Variants in PCDH11X observed in about 807,000 individuals in gnomAD.
PCDH11X encodes protocadherin 11 X-linked.
Under a neutral mutation model 53.3 loss-of-function variants are expected in PCDH11X, and 18 were observed. The observed-to-expected ratio is 0.34, with a 90% CI of 0.23 to 0.50. The LOEUF is 0.50. PCDH11X is among the 20% of genes least tolerant of loss of function. PCDH11X has a pLI of 0.98. For missense variants in PCDH11X, 570 were observed against 1,032.4 expected (o/e 0.55, Z 6.14); for synonymous variants, 279 against 393.3 (o/e 0.71, Z 3.44).
intron 6 of PCDH11X, among the ~76,000 whole-genome samples, chrX:91,960,454 T>C (rs2061771585): frequency 9.0e-6 from 1 of 110,763 alleles, no homozygotes; most frequent in Non-Finnish European, 1.9e-5. Context: ...AGATGGAGTC[T>C]TGATCTGTCT....
chrX:91,792,243 T>C (rs1935581222), intron 1 of PCDH11X, among the ~76,000 whole-genome samples: 1 of 111,992 alleles, frequency 8.9e-6, no homozygotes. Flanking sequence ...AAAATCAGAC[T>C]ATCTCAGACT....
intron 5 of PCDH11X, among the ~76,000 whole-genome samples, chrX:91,849,660 T>C (rs1168977830): frequency 2.7e-5 from 3 of 111,223 alleles, no homozygotes; most frequent in African/African-American, 9.8e-5. Context: ...TTTCAATATA[T>C]ATATCCCAGT....
At chrX:91,985,666 T>C in intron 6 of PCDH11X, among the ~76,000 whole-genome samples, 1 of 112,189 alleles carries the variant, frequency 8.9e-6, no homozygotes, top group East Asian at 2.8e-4. Context: ...AGATTTTTGT[T>C]TGTTTTTGCT....
chrX:92,216,105 A>C (rs1487623129), intron 7 of PCDH11X, among the ~76,000 whole-genome samples: 3 of 109,533 alleles, frequency 2.7e-5, no homozygotes, highest in East Asian at 2.9e-4. Flanking sequence ...AAGATGGGGA[A>C]AAAATAGAGC....
At chrX:92,391,767 G>A (rs946441034) in intron 9 of PCDH11X, among the ~76,000 whole-genome samples, 2 of 110,573 alleles carry the variant, frequency 1.8e-5, no homozygotes, top group African/African-American at 6.5e-5. Context: ...GATCTAAAAG[G>A]GTAACTACTA....
At chrX:92,175,961 C>T (rs1183967499) in intron 6 of PCDH11X, among the ~76,000 whole-genome samples, 1 of 110,365 alleles carries the variant, frequency 9.1e-6, no homozygotes, top group Non-Finnish European at 1.9e-5. Context: ...TGCAATTTTT[C>T]CATTTAATGG....
At chrX:92,547,553 T>G (rs988372800) in intron 10 of PCDH11X, among the ~76,000 whole-genome samples, 16 of 109,706 alleles carry the variant, frequency 1.5e-4, no homozygotes, top group Admixed American at 3.9e-4. Flanking sequence ...CCCTTCTTCC[T>G]CTTTTCTTAC....
intron 10 of PCDH11X, among the ~76,000 whole-genome samples, chrX:92,603,914 T>C (rs1038277135): frequency 9.4e-6 from 1 of 106,810 alleles, no homozygotes; most frequent in Non-Finnish European, 1.9e-5. Flanking sequence ...TTAATGAATT[T>C]GAAAAACCCT....
Position 92,090,764 on chromosome X carries a change from A to G in PCDH11X, c.3034-110611A>G, listed in dbSNP as rs1367606226. On this transcript the variant is annotated intron_variant, in intron 6 of 10. Transcript: ENST00000682573. Reference sequence around the variant, plus strand: ...GCAATCTATGACAATTGTGCTGTCAATAATCTCTGAGATATGGTTAAGTAA... The same window carrying G: ...GCAATCTATGACAATTGTGCTGTCAGTAATCTCTGAGATATGGTTAAGTAA... Among the ~76,000 whole-genome samples the G allele has an allele frequency of 3.6e-5, 4 of 111,456 alleles. No homozygotes were observed. In the East Asian group the frequency reaches 1.1e-3, roughly 32 times the overall value.
chrX:91,891,136 T>A (rs953621984), intron 6 of PCDH11X, among the ~76,000 whole-genome samples: 13 of 110,091 alleles, frequency 1.2e-4, no homozygotes, highest in Non-Finnish European at 1.5e-4. Flanking sequence ...GCTGTAATTT[T>A]AAAAAAAGAA....
At chrX:92,113,162 C>A in intron 6 of PCDH11X, 2 of 1,006,453 alleles carry the variant, frequency 2.0e-6, no homozygotes, top group Middle Eastern at 4.0e-4. Flanking sequence ...TATCCCTTGG[C>A]TCCCTTCCTT....
chrX:92,414,727 TA>T (rs11369347), intron 9 of PCDH11X, among the ~76,000 whole-genome samples: 119 of 107,186 alleles, frequency 1.1e-3, no homozygotes, highest in Admixed American at 1.8e-3. Context: ...AATCACTATT[TA>T]AAAAAAAAAA....
At chrX:91,979,350 G>T (rs1202580739) in intron 6 of PCDH11X, among the ~76,000 whole-genome samples, 3 of 108,777 alleles carry the variant, frequency 2.8e-5, no homozygotes, top group African/African-American at 1.0e-4. Flanking sequence ...AAGTGTAAAT[G>T]CAAGACAAGA....
intron 6 of PCDH11X, among the ~76,000 whole-genome samples, chrX:92,012,098 A>T (rs1210012844): frequency 2.7e-5 from 3 of 110,752 alleles, no homozygotes; most frequent in African/African-American, 9.8e-5. Flanking sequence ...TATCCTTTGT[A>T]CTTTAAAAAC....
At chrX:92,275,354 A>T (rs1235305074) in intron 8 of PCDH11X, among the ~76,000 whole-genome samples, 4 of 106,921 alleles carry the variant, frequency 3.7e-5, no homozygotes, top group Admixed American at 1.0e-4. Flanking sequence ...GTGTGTTTTT[A>T]TGAGAATTAT....
intron 10 of PCDH11X, among the ~76,000 whole-genome samples, chrX:92,494,479 G>A (rs2073826945): frequency 9.2e-6 from 1 of 109,245 alleles, no homozygotes; most frequent in African/African-American, 3.3e-5. Flanking sequence ...TGTCAGCGGG[G>A]CTGTCATGCT....
chrX:91,990,262 G>C (rs1200878781), intron 6 of PCDH11X, among the ~76,000 whole-genome samples: 7 of 107,788 alleles, frequency 6.5e-5, no homozygotes, highest in Non-Finnish European at 1.1e-4. Flanking sequence ...TAACATATTT[G>C]TCACCTCATA....
At chrX:92,611,847 T>A (rs5985010) in intron 10 of PCDH11X, among the ~76,000 whole-genome samples, 25,463 of 104,525 alleles carry the variant, frequency 0.24, 2,588 homozygotes, top group Non-Finnish European at 0.31. Flanking sequence ...ACTTTTTTTT[T>A]AAATTTACTT....
intron 6 of PCDH11X, among the ~76,000 whole-genome samples, chrX:92,147,463 A>G: frequency 8.9e-6 from 1 of 112,166 alleles, no homozygotes; most frequent in East Asian, 2.8e-4. Context: ...TTGAGCCAGC[A>G]AAAGTTGGCA....
Sources: gnomAD v4.1 joint callset for allele counts (sites outside exome capture counted in the v4.1 genomes callset) on GRCh38, gnomAD v4.1.1 for gene constraint, MANE v1.5 for transcripts, NCBI Gene and HGNC (gene_info 2026-07-23, HGNC 2026-07-21) for gene names.